The following ENO4 variants were observed in gnomAD, a reference collection of about 807,000 sequenced individuals.
ENO4 encodes 2-phospho-D-glycerate hydro-lyase.
ENO4 carries 53 observed loss-of-function variants against 63.2 expected under a neutral mutation model. That is an observed-to-expected ratio of 0.84 (90% CI 0.67 to 1.05). ENO4 has a LOEUF of 1.05. ENO4 is among the 50% of genes least tolerant of loss of function. ENO4 has a pLI of 0.00. For missense variants in ENO4, 719 were observed against 772.0 expected, an observed-to-expected ratio of 0.93 and a Z score of 0.81; for synonymous variants, 266 against 283.8, an observed-to-expected ratio of 0.94 and a Z score of 0.63.
At chr10:116,909,697 A>G (rs561331658) in intron 10 of ENO4, among the ~76,000 whole-genome samples, 2 of 152,298 alleles carry the variant, frequency 1.3e-5, no homozygotes, top group African/African-American at 4.8e-5. Flanking sequence ...CAACTCAGAA[A>G]ATAGAATAGG....
intron 6 of ENO4, among the ~76,000 whole-genome samples, chr10:116,861,447 C>G (rs1846413155): frequency 6.6e-6 from 1 of 152,106 alleles, no homozygotes; most frequent in Non-Finnish European, 1.5e-5. Flanking sequence ...CTGAGAAACT[C>G]TGCAGACCTA....
chr10:116,894,829 A>G (rs1847458385), intron 10 of ENO4, among the ~76,000 whole-genome samples: 1 of 152,342 alleles, frequency 6.6e-6, no homozygotes, highest in South Asian at 2.1e-4. Flanking sequence ...CCACTTTCAG[A>G]TAAGATGGTT....
intron 4 of ENO4, among the ~76,000 whole-genome samples, chr10:116,859,622 T>G (rs927646790): frequency 3.9e-5 from 6 of 152,204 alleles, no homozygotes; most frequent in African/African-American, 1.4e-4. Flanking sequence ...CTCCATGCCT[T>G]CCAACAGATT....
chr10:116,855,069 T>C (rs1846222222), intron 1 of ENO4, among the ~76,000 whole-genome samples: 1 of 148,706 alleles, frequency 6.7e-6, no homozygotes, highest in African/African-American at 2.5e-5. Context: ...CCAAGGTGGG[T>C]GAATCACGAG....
intron 10 of ENO4, among the ~76,000 whole-genome samples, chr10:116,896,221 A>G (rs138924537): frequency 6.7e-4 from 102 of 152,324 alleles, no homozygotes; most frequent in African/African-American, 2.3e-3. Flanking sequence ...AGATTTATGC[A>G]TTCTGTTGAT....
intron 7 of ENO4, 147 bp downstream of exon 7, chr10:116,862,999 A>G: frequency 1.6e-6 from 1 of 638,938 alleles, no homozygotes; most frequent in Non-Finnish European, 2.8e-6. Context: ...AACCAAGTGT[A>G]TCCATGTCCT....
chr10:116,853,472 C>T (rs1256697394), intron 1 of ENO4, among the ~76,000 whole-genome samples: 2 of 152,088 alleles, frequency 1.3e-5, no homozygotes, highest in African/African-American at 2.4e-5. Context: ...ATGTCACTGA[C>T]ATTTATTAAT....
At chr10:116,861,233 AAAAATATAT>A in intron 6 of ENO4, 43 bp downstream of exon 6, 6 of 489,900 alleles carry the variant, frequency 1.2e-5, no homozygotes, top group Admixed American at 5.2e-5. Flanking sequence ...AAAAAAAAAA[AAAAATATAT>A]ATATATATAT....
chr10:116,893,789 A>C (rs762638326), intron 10 of ENO4, among the ~76,000 whole-genome samples: 1 of 152,188 alleles, frequency 6.6e-6, no homozygotes, highest in Non-Finnish European at 1.5e-5. Flanking sequence ...AGCTGAGATA[A>C]TTAGTTTGAG....
chr10:116,911,954 CTA>C (rs1848217468), downstream of ENO4: 9 of 758,350 alleles, frequency 1.2e-5, no homozygotes, highest in Non-Finnish European at 2.0e-5. Context: ...ATATGTATGA[CTA>C]TATATATTTT....
chr10:116,851,554 G>C (rs779259054), intron 1 of ENO4, among the ~76,000 whole-genome samples: 3 of 152,200 alleles, frequency 2.0e-5, no homozygotes, highest in African/African-American at 7.2e-5. Flanking sequence ...CCCTAGTTTT[G>C]GCCGTGCTTA....
At chr10:116,851,920 A>G (rs1031053839) in intron 1 of ENO4, among the ~76,000 whole-genome samples, 1 of 152,072 alleles carries the variant, frequency 6.6e-6, no homozygotes, top group African/African-American at 2.4e-5. Context: ...TTCAGCTCCA[A>G]TGTCATTTCT....
chr10:116,855,871 T>C (rs1846244497), intron 2 of ENO4, 120 bp downstream of exon 2: 3 of 1,135,142 alleles, frequency 2.6e-6, no homozygotes, highest in Non-Finnish European at 3.6e-6. Context: ...ATATATTTCA[T>C]AGGTAGTCAT....
intron 6 of ENO4, 22 bp downstream of exon 6, chr10:116,861,212 T>A: frequency 9.5e-7 from 1 of 1,047,744 alleles, no homozygotes; most frequent in Non-Finnish European, 1.2e-6. Flanking sequence ...TATCTTAAAT[T>A]ACCTTTTCTA....
At chr10:116,851,727 C>G (rs911899353) in intron 1 of ENO4, among the ~76,000 whole-genome samples, 1 of 152,132 alleles carries the variant, frequency 6.6e-6, no homozygotes, top group South Asian at 2.1e-4. Context: ...CAGCCCCTCC[C>G]TCTGGTAACA....
rs1847050793 is a variant in ENO4, at chr10:116,882,521, A to G, written c.*852A>G. ...TATATTCAGACACAAACATATAGAT[A>G]TAATAATATCCAACCACTTTATATG... On this transcript the variant is annotated 3_prime_UTR_variant, in exon 14 of 14. Transcript: ENST00000341276. The G allele has an allele frequency of 6.6e-6, 1 of 152,244 alleles. No homozygotes were observed. The highest frequency in any genetic ancestry group is 1.5e-5 in the Non-Finnish European group (1 of 68,028). 9.4% of individuals were successfully genotyped at this position (152,244 alleles called of 1,614,324 possible). A position where few individuals can be genotyped will look rare whatever the true frequency, so the allele number is the denominator to read the frequency against.
chr10:116,895,915 C>T (rs936491344), intron 10 of ENO4, among the ~76,000 whole-genome samples: 8 of 152,088 alleles, frequency 5.3e-5, no homozygotes, highest in Non-Finnish European at 7.4e-5. Context: ...AACAAAAGCA[C>T]CTTGCTTAAT....
chr10:116,869,568 C>T (rs1287632493), intron 8 of ENO4, among the ~76,000 whole-genome samples: 2 of 152,148 alleles, frequency 1.3e-5, no homozygotes, highest in African/African-American at 4.8e-5. Context: ...TGAACACATA[C>T]AGCGGTAAGT....
At chr10:116,863,905 A>C (rs1846485037) in intron 7 of ENO4, among the ~76,000 whole-genome samples, 1 of 152,168 alleles carries the variant, frequency 6.6e-6, no homozygotes, top group Non-Finnish European at 1.5e-5. Context: ...AGACTTCGAC[A>C]AGTTAGCTCT....
Sources: gnomAD v4.1 joint callset for allele counts (sites outside exome capture counted in the v4.1 genomes callset) on GRCh38, gnomAD v4.1.1 for gene constraint, MANE v1.5 for transcripts, NCBI Gene and HGNC (gene_info 2026-07-23, HGNC 2026-07-21) for gene names.